Variants in NLRP14 observed in about 807,000 individuals in gnomAD.
NLRP14 encodes the protein NACHT, LRR and PYD domains-containing protein 14.
Under a neutral mutation model 94.7 loss-of-function variants are expected in NLRP14, and 105 were observed. The ratio of observed to expected loss-of-function variants is 1.11; its 90% CI spans 0.95 to 1.30. The LOEUF is 1.30. Ranked by LOEUF, NLRP14 falls within the 50% of genes most tolerant of loss-of-function variation. The pLI is 0.00. For synonymous variants in NLRP14, 508 were observed against 459.9 expected (o/e 1.10, Z -1.34); for missense variants, 1,362 against 1,254.1 (o/e 1.09, Z -1.30).
intron 1 of NLRP14, among the ~76,000 whole-genome samples, chr11:7,027,496 A>C (rs1251834838): frequency 6.6e-6 from 1 of 152,050 alleles, no homozygotes; most frequent in African/African-American, 2.4e-5. Context: ...CTCACAACCT[A>C]ATCATGTCCC....
intron 9 of NLRP14, among the ~76,000 whole-genome samples, chr11:7,061,588 G>A (rs996877684): frequency 2.6e-5 from 4 of 152,034 alleles, no homozygotes; most frequent in African/African-American, 9.7e-5. Context: ...ATAAAATGCT[G>A]ATAACAGGGA....
chr11:7,030,198 G>A lies in NLRP14; in HGVS notation c.-21-8368G>A, dbSNP rs138472778. Among the ~76,000 whole-genome samples, 80 of 152,300 alleles carry A rather than the reference G, an allele frequency of 5.3e-4. 1 individual carries two copies. The highest frequency in any genetic ancestry group is 8.5e-4 in the Non-Finnish European group (58 of 68,018). On this transcript the variant is annotated intron_variant, in intron 1 of 11. Coordinates refer to ENST00000299481, the MANE Select transcript of NLRP14 (RefSeq NM_176822.4). Reference sequence around the variant, plus strand: ...GCAATTCTCAATCCTGAAGCTACTGGATCTATTAGCTTCTAAGACTGTCTT... The same window carrying A: ...GCAATTCTCAATCCTGAAGCTACTGAATCTATTAGCTTCTAAGACTGTCTT...
chr11:7,054,310 T>G (rs1444958455), intron 6 of NLRP14, among the ~76,000 whole-genome samples: 2 of 152,172 alleles, frequency 1.3e-5, no homozygotes, highest in Admixed American at 6.6e-5. Context: ...TTCTTTCTTT[T>G]GGGTATATAC....
At chr11:7,068,680 G>A (rs1852744567) in intron 10 of NLRP14, among the ~76,000 whole-genome samples, 1 of 151,968 alleles carries the variant, frequency 6.6e-6, no homozygotes, top group African/African-American at 2.4e-5. Context: ...TTCTAAGTAC[G>A]GGGTCTTTTT....
intron 4 of NLRP14, among the ~76,000 whole-genome samples, chr11:7,046,209 T>C (rs539953563): frequency 4.5e-4 from 69 of 152,338 alleles, no homozygotes; most frequent in African/African-American, 1.5e-3. Context: ...ATAGAACTTA[T>C]GCAACTCTCT....
At chr11:7,049,402 A>G (rs555767216) in intron 5 of NLRP14, among the ~76,000 whole-genome samples, 24 of 152,164 alleles carry the variant, frequency 1.6e-4, no homozygotes, top group Non-Finnish European at 3.2e-4. Context: ...ATAATTTTTG[A>G]TAGTCATTCC....
chr11:7,056,117 A>G (rs1852511452), intron 6 of NLRP14, among the ~76,000 whole-genome samples: 1 of 151,888 alleles, frequency 6.6e-6, no homozygotes, highest in South Asian at 2.1e-4. Flanking sequence ...AAAGAGTTTT[A>G]TTTTTTATTA....
chr11:7,029,516 T>A (rs1168068630), intron 1 of NLRP14, among the ~76,000 whole-genome samples: 2 of 152,226 alleles, frequency 1.3e-5, no homozygotes, highest in Non-Finnish European at 2.9e-5. Context: ...CAGTGTTCAA[T>A]ATAGGATCTT....
chr11:7,078,532 G>A, the NLRP14 span, among the ~76,000 whole-genome samples: 1 of 149,266 alleles, frequency 6.7e-6, no homozygotes, highest in Non-Finnish European at 1.5e-5. Context: ...GCTCACACCT[G>A]TAATCCCAGC....
At chr11:7,084,355 A>G in the NLRP14 span, among the ~76,000 whole-genome samples, 1 of 152,046 alleles carries the variant, frequency 6.6e-6, no homozygotes, top group Non-Finnish European at 1.5e-5. Context: ...AGATAGGAGT[A>G]CGCTTTGTTT....
chr11:7,063,843 A>G (rs900238426), intron 10 of NLRP14, among the ~76,000 whole-genome samples: 2 of 152,098 alleles, frequency 1.3e-5, no homozygotes, highest in African/African-American at 4.8e-5. Context: ...AAGTCCCAGG[A>G]AGGACTACTA....
chr11:7,065,109 G>C (rs568572440), intron 10 of NLRP14, among the ~76,000 whole-genome samples: 58 of 152,064 alleles, frequency 3.8e-4, no homozygotes, highest in African/African-American at 1.2e-3. Flanking sequence ...AACTTATCAA[G>C]TTACATACAT....
chr11:7,043,023 G>A lies in NLRP14; in HGVS notation c.997G>A (p.Asp333Asn), dbSNP rs149245650. Residue 333 changes from aspartate to asparagine, a missense_variant, in exon 4 of 12, where the codon GAT (aspartate) becomes AAT (asparagine). Physicochemically the swap from Asp to Asn is conservative, Grantham distance 23. Coordinates refer to ENST00000299481, the MANE Select transcript of NLRP14 (RefSeq NM_176822.4). ...HYVELLGMSEDAREEYIYQFF... is the reference protein window; with the variant it reads ...HYVELLGMSENAREEYIYQFF... ...TGTAGAGCTACTAGGAATGTCTGAG[G>A]ATGCAAGAGAGGAGTATATTTACCA... is the stretch of plus-strand genomic sequence containing the variant. 2 of 1,614,018 alleles carry A rather than the reference G, an allele frequency of 1.2e-6. No individual in the cohort carries two copies. Among genetic ancestry groups the A allele is most frequent in the Non-Finnish European group, 1.7e-6 (2 of 1,180,004 alleles).
chr11:7,042,688 T>G lies in NLRP14; in HGVS notation c.662T>G (p.Ile221Ser). The change falls in exon 4 of 12, where the codon ATT becomes AGT. Residue 221 changes from isoleucine to serine, a missense_variant. Physicochemically the swap from Ile to Ser is moderately radical, Grantham distance 142 (BLOSUM62 -2). Coordinates refer to ENST00000299481, the MANE Select transcript of NLRP14 (RefSeq NM_176822.4). Reference protein sequence around the residue: ...KYVFYLNGREINQLKERSFAQ... With the variant: ...KYVFYLNGRESNQLKERSFAQ... Reference sequence around the variant, plus strand: ...GTTTTTTATCTCAATGGGAGAGAAATTAACCAGCTGAAAGAGAGAAGCTTT... The same window carrying G: ...GTTTTTTATCTCAATGGGAGAGAAAGTAACCAGCTGAAAGAGAGAAGCTTT... 1 of 1,614,204 alleles carries G rather than the reference T, an allele frequency of 6.2e-7. No individual in the cohort carries two copies. Among genetic ancestry groups the G allele is most frequent in the South Asian group, 1.1e-5 (1 of 91,084 alleles).
intron 1 of NLRP14, among the ~76,000 whole-genome samples, chr11:7,022,643 C>T (rs1851962978): frequency 1.3e-5 from 2 of 152,184 alleles, no homozygotes; most frequent in South Asian, 2.1e-4. Context: ...AAGAAGAAAG[C>T]TGTTGAAGTG....
chr11:7,088,543 T>C, the NLRP14 span, among the ~76,000 whole-genome samples: 1 of 152,078 alleles, frequency 6.6e-6, no homozygotes, highest in South Asian at 2.1e-4. Context: ...ATAAAGACAA[T>C]AGCACCAAAT....
intron 5 of NLRP14, among the ~76,000 whole-genome samples, chr11:7,047,469 A>G (rs986948873): frequency 8.0e-5 from 12 of 150,574 alleles, no homozygotes; most frequent in Non-Finnish European, 1.0e-4. Flanking sequence ...ATGCCAGGCT[A>G]TTTTTTTTTA....
intron 3 of NLRP14, 98 bp downstream of exon 3, chr11:7,039,883 ACTT>A: frequency 2.1e-6 from 2 of 951,272 alleles, no homozygotes; most frequent in Admixed American, 1.8e-5. Context: ...AATCTTGTTA[ACTT>A]CTTCTAATAC....
chr11:7,043,901 C>A lies in NLRP14; in HGVS notation c.1875C>A (p.Cys625Ter), dbSNP rs1222592340. 3.7e-6 allele frequency: 6 copies of A among 1,613,900 alleles called. No individual in the cohort carries two copies. The highest frequency in any genetic ancestry group is 1.3e-5 in the African/African-American group (1 of 74,908). The change falls in exon 4 of 12, where the codon TGC becomes TGA. Residue 625 changes from cysteine to a stop codon, truncating the protein, a stop_gained. Coordinates refer to ENST00000299481, the MANE Select transcript of NLRP14 (RefSeq NM_176822.4). LOFTEE classifies it high-confidence loss of function. ...LLVSSFCLKH[C>*]RCLRTIRLSV... ...TATCTTCTTTCTGCCTTAAGCACTG[C>A]CGGTGTTTGCGGACCATCAGGCTGT...
Sources: allele counts gnomAD v4.1 joint callset (sites outside exome capture counted in the v4.1 genomes callset), GRCh38; gene constraint gnomAD v4.1.1; transcripts MANE v1.5; gene names NCBI Gene and HGNC (gene_info 2026-07-23, HGNC 2026-07-21).